TET3: variants seen among roughly 807,000 people sequenced by gnomAD.
TET3 encodes tet methylcytosine dioxygenase 3.
TET3 carries 19 observed loss-of-function variants against 141.4 expected under a neutral mutation model. The observed-to-expected ratio is 0.13, with a 90% confidence interval of 0.09 to 0.20. TET3 has a LOEUF of 0.20. Ranked by LOEUF, TET3 falls within the 10% of genes least tolerant of loss-of-function variation. The probability of loss-of-function intolerance (pLI) is 1.00; values close to 1 mark genes in which losing one functional copy is unlikely to be tolerated. For synonymous variants in TET3, 1,043 were observed against 980.9 expected (o/e 1.06, Z -1.18); for missense variants, 1,874 against 2,356.9 (o/e 0.80, Z 4.24).
At chr2:74,032,062 C>T (rs115244064) in intron 3 of TET3, among the ~76,000 whole-genome samples, 1,598 of 152,270 alleles carry the variant, frequency 0.01, 28 homozygotes, top group African/African-American at 0.036. Flanking sequence ...TACATTTAAA[C>T]GTAAAGGTGC....
intron 4 of TET3, among the ~76,000 whole-genome samples, chr2:74,062,014 G>T (rs560653896): frequency 1.1e-4 from 16 of 152,150 alleles, no homozygotes; most frequent in Admixed American, 6.5e-5. Flanking sequence ...CTTCCCAGAC[G>T]GGGTGGCGGC....
At chr2:74,074,910 C>T (rs997397005) in intron 5 of TET3, among the ~76,000 whole-genome samples, 3 of 151,674 alleles carry the variant, frequency 2.0e-5, no homozygotes, top group Non-Finnish European at 4.4e-5. Context: ...GTCGTGCTGT[C>T]ACCCAGGCTG....
Position 74,107,784 on chromosome 2 carries a change from A to G in TET3, c.*5608A>G, listed in dbSNP as rs1003223233. 6.6e-6 allele frequency: 1 copy of G among 152,202 alleles called. No individual in the cohort carries two copies. Among genetic ancestry groups the G allele is most frequent in the African/African-American group, 2.4e-5 (1 of 41,462 alleles). 9.4% of individuals were successfully genotyped at this position (152,202 alleles called of 1,614,324 possible). On this transcript the variant is annotated 3_prime_UTR_variant, in exon 12 of 12. Coordinates refer to ENST00000409262, the MANE Select transcript of TET3 (RefSeq NM_001287491.2). ...CGTCTTGACTTTGTAAACTGTGGCT[A>G]CTTGAAATGAAGTTTATCTGGGGTT...
chr2:74,075,172 A>G (rs1391233708), intron 5 of TET3, among the ~76,000 whole-genome samples: 2 of 152,078 alleles, frequency 1.3e-5, no homozygotes, highest in Non-Finnish European at 2.9e-5. Flanking sequence ...GCCCAGCTGC[A>G]TTAGTATTTT....
At chr2:74,053,527 A>G (rs762872175) in intron 4 of TET3, among the ~76,000 whole-genome samples, 19 of 152,230 alleles carry the variant, frequency 1.2e-4, no homozygotes, top group Non-Finnish European at 2.5e-4. Context: ...TGCAGAGACT[A>G]AACCACAGCA....
Position 74,046,769 on chromosome 2 carries a change from G to A in TET3, c.852G>A (p.Glu284=), listed in dbSNP as rs1329940659. 1 of 1,613,760 alleles carries A rather than the reference G, an allele frequency of 6.2e-7. No homozygotes were observed. Among genetic ancestry groups the A allele is most frequent in the South Asian group, 1.1e-5 (1 of 91,090 alleles). ...CDGPECPDYL[E]WLEGKIKSVV... ...GCCCAGAATGCCCTGACTACCTCGA[G>A]TGGCTGGAGGGGAAGATCAAGTCTG... The change falls in exon 4 of 12, where the codon GAG becomes GAA. Residue 284 remains glutamate, a synonymous_variant. Coordinates refer to ENST00000409262, the MANE Select transcript of TET3 (RefSeq NM_001287491.2). The surrounding 1 kb of genome is among the most constrained non-coding windows in gnomAD (Gnocchi z 4.3).
At chr2:74,062,150 A>G (rs968477448) in intron 4 of TET3, among the ~76,000 whole-genome samples, 1 of 152,260 alleles carries the variant, frequency 6.6e-6, no homozygotes, top group Non-Finnish European at 1.5e-5. Flanking sequence ...TGAGTGAACC[A>G]GACTCCGTCT....
chr2:74,003,563 G>A (rs1044959995), intron 3 of TET3, among the ~76,000 whole-genome samples: 20 of 146,984 alleles, frequency 1.4e-4, no homozygotes, highest in Non-Finnish European at 2.4e-4. Flanking sequence ...GCGGGGAGGG[G>A]GGGTGGGGGG....
At chr2:74,002,939 C>G in intron 2 of TET3, 171 bp from the exon 3 acceptor site, 1 of 653,856 alleles carries the variant, frequency 1.5e-6, no homozygotes, top group African/African-American at 1.8e-5. Flanking sequence ...TGCCGTGATC[C>G]AGGCGGCAGC....
chr2:74,102,270 A>G lies in TET3; in HGVS notation c.*94A>G. The G allele has an allele frequency of 2.9e-6, 4 of 1,358,864 alleles. No individual in the cohort carries two copies. Among genetic ancestry groups the G allele is most frequent in the East Asian group, 2.7e-5 (1 of 37,230 alleles). 84.2% of individuals were successfully genotyped at this position (1,358,864 alleles called of 1,614,324 possible). A position where few individuals can be genotyped will look rare whatever the true frequency, so the allele number is the denominator to read the frequency against. On this transcript the variant is annotated 3_prime_UTR_variant, in exon 12 of 12. Transcript: ENST00000409262. ...ATACCTGGGGGCGGGTTGGGGGTGC[A>G]GAAGTCTTTTTATCTCTATATACAT...
At chr2:74,057,352 A>G (rs989813428) in intron 4 of TET3, among the ~76,000 whole-genome samples, 3 of 152,168 alleles carry the variant, frequency 2.0e-5, no homozygotes, top group Non-Finnish European at 1.5e-5. Flanking sequence ...CCAACAGACA[A>G]AGGGCTTGGA....
At position 73,986,266 on chromosome 2, in the gene TET3, G is replaced by C; in HGVS notation, c.-138G>C. ...GGGTTGAGAAGAGGCATCCATCCACGAGACTGAAGCCACTTGCCTTCACCC... is the reference window on the plus strand; with the variant it reads ...GGGTTGAGAAGAGGCATCCATCCACCAGACTGAAGCCACTTGCCTTCACCC... On this transcript the variant is annotated 5_prime_UTR_variant, in exon 2 of 12. Coordinates refer to ENST00000409262, the MANE Select transcript of TET3 (RefSeq NM_001287491.2). The C allele has an allele frequency of 1.4e-6, 1 of 723,286 alleles. No homozygotes were observed. The highest frequency in any genetic ancestry group is 1.9e-6 in the Non-Finnish European group (1 of 524,286). 44.8% of individuals were successfully genotyped at this position (723,286 alleles called of 1,614,324 possible).
chr2:73,995,044 T>C (rs1684523854), intron 2 of TET3, among the ~76,000 whole-genome samples: 1 of 152,332 alleles, frequency 6.6e-6, no homozygotes, highest in South Asian at 2.1e-4. Context: ...CACTGCAACC[T>C]CTGCCTCATG....
chr2:74,035,720 C>G (rs552981568), intron 3 of TET3, among the ~76,000 whole-genome samples: 10 of 152,120 alleles, frequency 6.6e-5, no homozygotes, highest in Admixed American at 4.6e-4. Flanking sequence ...GAGTGAGACT[C>G]TGTTTCAAAA....
intron 3 of TET3, among the ~76,000 whole-genome samples, chr2:74,013,345 G>A (rs1233989587): frequency 6.6e-6 from 1 of 151,878 alleles, no homozygotes; most frequent in African/African-American, 2.4e-5. Context: ...TAACATAGGA[G>A]TTTTGCATCT....
chr2:74,101,000 G>C lies in TET3; in HGVS notation c.4212G>C (p.Leu1404=). 6.2e-7 allele frequency: 1 copy of C among 1,612,942 alleles called. No homozygotes were observed. ...TCAAGCAAGAGCCAGTAGACCCGCT[G>C]ACCCAGGCTGAGCCTGTGCCCAGAG... The part of the protein sequence containing the change: ...RSIKQEPVDP[L]TQAEPVPRDA... Residue 1404 remains leucine (L), a synonymous_variant, in exon 12 of 12, where the codon CTG becomes CTC. Transcript: ENST00000409262.
At chr2:74,116,462 T>C in the TET3 span, among the ~76,000 whole-genome samples, 46 of 151,512 alleles carry the variant, frequency 3.0e-4, no homozygotes, top group African/African-American at 1.1e-3. Flanking sequence ...GCAGGCAGAT[T>C]ACCTGAGGTC....
At chr2:74,082,086 C>T (rs1402913919) in intron 6 of TET3, among the ~76,000 whole-genome samples, 1 of 151,610 alleles carries the variant, frequency 6.6e-6, no homozygotes, top group Non-Finnish European at 1.5e-5. Flanking sequence ...TGAGGAATTC[C>T]AAAGTCTTGG....
intron 2 of TET3, among the ~76,000 whole-genome samples, chr2:73,998,723 C>A (rs1684710745): frequency 6.6e-6 from 1 of 151,996 alleles, no homozygotes; most frequent in Non-Finnish European, 1.5e-5. Context: ...TGATGGGCGG[C>A]AATTACTTGG....
Sources: allele counts gnomAD v4.1 joint callset (sites outside exome capture counted in the v4.1 genomes callset), GRCh38; gene constraint gnomAD v4.1.1; non-coding constraint Gnocchi (gnomAD v3.1); transcripts MANE v1.5; gene names NCBI Gene and HGNC (gene_info 2026-07-23, HGNC 2026-07-21).